KIF5C: variants seen among roughly 807,000 people sequenced by gnomAD.
The protein encoded by KIF5C is kinesin heavy chain isoform 5C.
A neutral mutation model predicts 125.2 loss-of-function variants in KIF5C; 18 were observed. The observed-to-expected ratio is 0.14, with a 90% CI of 0.10 to 0.21. KIF5C has a LOEUF of 0.21. Among genes scored for constraint, KIF5C ranks in the 10% least tolerant of loss-of-function variants. The pLI, the probability that KIF5C is intolerant of heterozygous loss-of-function variation, is 1.00. For missense variants in KIF5C, 780 were observed against 1,183.8 expected (o/e 0.66, Z 5.01); for synonymous variants, 405 against 434.0 (o/e 0.93, Z 0.83).
intron 1 of KIF5C, among the ~76,000 whole-genome samples, chr2:148,881,872 T>G (rs890522276): frequency 1.3e-5 from 2 of 152,160 alleles, no homozygotes; most frequent in Non-Finnish European, 2.9e-5. Context: ...CTGTGTCTAC[T>G]TATGTAAAAA....
At chr2:149,008,458 CTTTATT>C (rs1191102617) in intron 23 of KIF5C, among the ~76,000 whole-genome samples, 1 of 152,162 alleles carries the variant, frequency 6.6e-6, no homozygotes, top group African/African-American at 2.4e-5. Flanking sequence ...GGTTCAAGTC[CTTTATT>C]TTTACAGATG....
chr2:149,007,881 T>C, intron 22 of KIF5C, 82 bp from the exon 23 acceptor site: 7 of 1,350,074 alleles, frequency 5.2e-6, no homozygotes, highest in Non-Finnish European at 6.8e-6. Flanking sequence ...GAATGGGGAT[T>C]TTTTTTTTCC....
chr2:148,990,206 T>C (rs1197498808), intron 15 of KIF5C, among the ~76,000 whole-genome samples: 1 of 152,256 alleles, frequency 6.6e-6, no homozygotes, highest in African/African-American at 2.4e-5. Flanking sequence ...TTGCTTCAAC[T>C]TTTGTTTCAA....
At chr2:149,011,717 G>T (rs779322567) in intron 25 of KIF5C, 34 bp downstream of exon 25, 4 of 1,613,076 alleles carry the variant, frequency 2.5e-6, no homozygotes, top group Non-Finnish European at 3.4e-6. Context: ...TTCTCTATCT[G>T]GAGGCAGAGG....
intron 8 of KIF5C, among the ~76,000 whole-genome samples, chr2:148,948,920 G>T (rs933123772): frequency 6.6e-6 from 1 of 152,188 alleles, no homozygotes; most frequent in African/African-American, 2.4e-5. Flanking sequence ...ACAAGTCCAA[G>T]GGAGTTGAGA....
chr2:148,931,059 A>C (rs1682172926), intron 3 of KIF5C, among the ~76,000 whole-genome samples: 1 of 152,194 alleles, frequency 6.6e-6, no homozygotes, highest in Non-Finnish European at 1.5e-5. Flanking sequence ...CACTTGAAAG[A>C]GAGATACGGT....
Position 148,910,612 on chromosome 2 carries a change from A to G in KIF5C, c.127-11525A>G, listed in dbSNP as rs76624203. Among the ~76,000 whole-genome samples the G allele has an allele frequency of 1.0e-2, 1,523 of 152,314 alleles. 12 individuals carry two copies. Among genetic ancestry groups the G allele is most frequent in the Non-Finnish European group, 0.017 (1,164 of 68,028 alleles). On this transcript the variant is annotated intron_variant, in intron 1 of 25. Coordinates refer to ENST00000435030, the MANE Select transcript of KIF5C (RefSeq NM_004522.3). ...TGAGATGGCATTCTAGTTAGAGGGA[A>G]TCGTCAGAGCAGTGAGGTCCAGTAG...
chr2:149,004,400 T>G (rs1253796158), intron 21 of KIF5C, among the ~76,000 whole-genome samples: 1 of 152,240 alleles, frequency 6.6e-6, no homozygotes, highest in Admixed American at 6.5e-5. Flanking sequence ...GAAAATATTT[T>G]GCAAGGAACT....
chr2:148,987,583 C>T (rs1681413118), intron 15 of KIF5C, among the ~76,000 whole-genome samples: 1 of 152,118 alleles, frequency 6.6e-6, no homozygotes, highest in African/African-American at 2.4e-5. Context: ...GGTGTATGAC[C>T]AGGCGTTTCC....
rs1163999748 is a variant in KIF5C at position 149,011,619 on chromosome 2, C to G, written c.2817C>G (p.Val939=). 1 of 1,614,090 alleles carries G rather than the reference C, an allele frequency of 6.2e-7. No homozygotes were observed. The highest frequency in any genetic ancestry group is 1.1e-5 in the South Asian group (1 of 91,090). The change falls in exon 25 of 26, where the codon GTC becomes GTG. Residue 939 remains valine (V), a synonymous_variant. Coordinates refer to ENST00000435030, the MANE Select transcript of KIF5C (RefSeq NM_004522.3). ...ACCCGGCCTCATCTCCAACGGCCGT[C>G]CATGCCATTCGAGGGGGAGGAGGCA... ...GHYPASSPTA[V]HAIRGGGGSS...
intron 11 of KIF5C, among the ~76,000 whole-genome samples, 190 bp downstream of exon 11, chr2:148,962,309 G>A (rs1396285580): frequency 6.6e-6 from 1 of 151,840 alleles, no homozygotes; most frequent in Non-Finnish European, 1.5e-5. Flanking sequence ...GGGATTACAG[G>A]CGTGCACCAC....
At chr2:148,894,266 C>A (rs1681779697) in intron 1 of KIF5C, among the ~76,000 whole-genome samples, 1 of 152,190 alleles carries the variant, frequency 6.6e-6, no homozygotes, top group South Asian at 2.1e-4. Flanking sequence ...TAGAGATTCA[C>A]TAAGTACAGA....
At chr2:148,962,175 A>T (rs1039911688) in intron 11 of KIF5C, 56 bp downstream of exon 11, 6 of 1,494,412 alleles carry the variant, frequency 4.0e-6, no homozygotes, top group South Asian at 1.4e-5. Context: ...TTTTATTTTT[A>T]TTTTTTTTGA....
At chr2:148,996,227 T>A (rs181947099) in intron 17 of KIF5C, among the ~76,000 whole-genome samples, 1 of 152,372 alleles carries the variant, frequency 6.6e-6, no homozygotes, top group Admixed American at 6.5e-5. Context: ...GATAGGGTAG[T>A]TGGGATTGGT....
intron 21 of KIF5C, 125 bp from the exon 22 acceptor site, chr2:149,005,268 G>T: frequency 6.8e-7 from 1 of 1,463,860 alleles, no homozygotes. Context: ...GGTGTCACAG[G>T]GAAGGGGGTG....
intron 10 of KIF5C, 137 bp from the exon 11 acceptor site, chr2:148,961,834 A>T (rs1682935405): frequency 1.6e-6 from 2 of 1,233,174 alleles, no homozygotes; most frequent in Non-Finnish European, 2.2e-6. Flanking sequence ...AATTAGGAGG[A>T]TGGTTGGTGA....
chr2:149,003,897 C>T (rs539048554), intron 21 of KIF5C, among the ~76,000 whole-genome samples: 15 of 152,290 alleles, frequency 9.8e-5, no homozygotes, highest in East Asian at 3.9e-4. Context: ...ACTGTGATTA[C>T]GGTTCAATCA....
At chr2:148,907,337 T>C (rs1348423098) in intron 1 of KIF5C, among the ~76,000 whole-genome samples, 1 of 152,212 alleles carries the variant, frequency 6.6e-6, no homozygotes, top group Non-Finnish European at 1.5e-5. Context: ...CTGCAGTTAC[T>C]TCAACTCTCC....
intron 2 of KIF5C, among the ~76,000 whole-genome samples, chr2:148,927,435 T>C (rs977863130): frequency 1.3e-5 from 2 of 152,024 alleles, no homozygotes; most frequent in African/African-American, 4.8e-5. Flanking sequence ...GGCCGGTGGG[T>C]TCCAGAGTGT....
Sources: allele counts gnomAD v4.1 joint callset (sites outside exome capture counted in the v4.1 genomes callset), GRCh38; gene constraint gnomAD v4.1.1; transcripts MANE v1.5; gene names NCBI Gene and HGNC (gene_info 2026-07-23, HGNC 2026-07-21).